Variants in IMMP2L observed in about 807,000 individuals in gnomAD.
IMMP2L encodes inner mitochondrial membrane peptidase subunit 2.
In IMMP2L, 18 loss-of-function variants were observed where a neutral mutation model predicts 19.3. The observed-to-expected ratio is 0.93, with a 90% CI of 0.64 to 1.38. The LOEUF (loss-of-function observed/expected upper bound fraction) is 1.38. Among genes scored for constraint, IMMP2L ranks in the 40% most tolerant of loss-of-function variants. The pLI is 0.00. For synonymous variants in IMMP2L, 76 were observed against 73.0 expected (o/e 1.04, Z -0.21); for missense variants, 233 against 218.2 (o/e 1.07, Z -0.43).
chr7:111,116,987 T>C (rs1799953243), intron 3 of IMMP2L, among the ~76,000 whole-genome samples: 1 of 152,182 alleles, frequency 6.6e-6, no homozygotes, highest in Non-Finnish European at 1.5e-5. Flanking sequence ...ATTTACTTCC[T>C]ACTGGTTAGT....
intron 3 of IMMP2L, among the ~76,000 whole-genome samples, chr7:111,263,616 CATCAG>C: frequency 6.6e-6 from 1 of 152,068 alleles, no homozygotes; most frequent in African/African-American, 2.4e-5. Context: ...ATTTGGGAGT[CATCAG>C]CATATCAATG....
chr7:110,907,644 C>T (rs1430917482), intron 4 of IMMP2L, among the ~76,000 whole-genome samples: 1 of 152,168 alleles, frequency 6.6e-6, no homozygotes, highest in East Asian at 1.9e-4. Flanking sequence ...AATTTACCTG[C>T]CTCCTGTCCC....
At chr7:111,451,773 G>T (rs1261589217) in intron 3 of IMMP2L, among the ~76,000 whole-genome samples, 1 of 150,572 alleles carries the variant, frequency 6.6e-6, no homozygotes, top group Non-Finnish European at 1.5e-5. Flanking sequence ...CAGAGAGAAG[G>T]CAAGGCAAAA....
chr7:111,360,361 G>T (rs1829147497), intron 3 of IMMP2L, among the ~76,000 whole-genome samples: 1 of 152,130 alleles, frequency 6.6e-6, no homozygotes, highest in African/African-American at 2.4e-5. Context: ...AACCTTGCAG[G>T]GGGTCCATAA....
intron 2 of IMMP2L, among the ~76,000 whole-genome samples, chr7:111,506,337 T>C (rs1844898465): frequency 6.6e-6 from 1 of 152,104 alleles, no homozygotes; most frequent in Non-Finnish European, 1.5e-5. Flanking sequence ...TCAACACCCT[T>C]AAAATGTTGT....
chr7:111,301,004 G>C (rs914469080), intron 3 of IMMP2L, among the ~76,000 whole-genome samples: 2 of 152,068 alleles, frequency 1.3e-5, no homozygotes, highest in South Asian at 2.1e-4. Context: ...TAGGTTCATA[G>C]GAAACTGCCA....
chr7:110,693,849 G>A (rs1005943970), intron 5 of IMMP2L, among the ~76,000 whole-genome samples: 3 of 152,128 alleles, frequency 2.0e-5, no homozygotes, highest in Non-Finnish European at 4.4e-5. Context: ...TGTTGTTGTT[G>A]TTAATAAAAG....
At chr7:110,816,867 C>G (rs1283455646) in intron 5 of IMMP2L, among the ~76,000 whole-genome samples, 1 of 152,018 alleles carries the variant, frequency 6.6e-6, no homozygotes, top group East Asian at 1.9e-4. Context: ...TGTCTCTGCA[C>G]GTGAGATGGG....
At chr7:110,973,385 C>T (rs1238725657) in intron 3 of IMMP2L, among the ~76,000 whole-genome samples, 1 of 151,936 alleles carries the variant, frequency 6.6e-6, no homozygotes, top group Non-Finnish European at 1.5e-5. Context: ...AATCCCTTTC[C>T]AAAAATCACA....
intron 3 of IMMP2L, among the ~76,000 whole-genome samples, chr7:111,087,594 C>T (rs1796464427): frequency 6.6e-6 from 1 of 151,650 alleles, no homozygotes; most frequent in Non-Finnish European, 1.5e-5. Flanking sequence ...TGTTAGTGCT[C>T]GACAGATGTT....
At chr7:111,283,928 G>A (rs911691706) in intron 3 of IMMP2L, among the ~76,000 whole-genome samples, 6 of 128,506 alleles carry the variant, frequency 4.7e-5, no homozygotes, top group Admixed American at 9.6e-5. Context: ...CCGAGATCCC[G>A]CCACTGCACT....
At position 111,085,530 on chromosome 7, in the gene IMMP2L, T is replaced by C. The variant is rs531674964; in HGVS notation, c.240-121965A>G. On this transcript the variant is annotated intron_variant, in intron 3 of 5. Coordinates refer to ENST00000405709, the MANE Select transcript of IMMP2L (RefSeq NM_032549.4). ...TTTTAATAGTAGCCATTCTGACTGA[T>C]GTGGGATGGTACCACATTGTGGTTT... 5.9e-5 allele frequency among the ~76,000 whole-genome samples: 9 copies of C among 152,362 alleles called. No homozygotes were observed. In the South Asian group the frequency reaches 1.9e-3, roughly 32 times the overall value.
At chr7:111,061,305 T>A (rs906509390) in intron 3 of IMMP2L, among the ~76,000 whole-genome samples, 2 of 152,116 alleles carry the variant, frequency 1.3e-5, no homozygotes, top group African/African-American at 4.8e-5. Context: ...GAGAAGGTGA[T>A]CAATGAAGCA....
At chr7:111,147,108 A>C (rs1174563147) in intron 3 of IMMP2L, among the ~76,000 whole-genome samples, 3 of 151,770 alleles carry the variant, frequency 2.0e-5, no homozygotes, top group Non-Finnish European at 4.4e-5. Context: ...TGTTTTAGAG[A>C]CTCAATATTC....
intron 5 of IMMP2L, among the ~76,000 whole-genome samples, chr7:110,739,650 T>G (rs1796868797): frequency 6.6e-6 from 1 of 152,094 alleles, no homozygotes; most frequent in Non-Finnish European, 1.5e-5. Flanking sequence ...ACTAGACAGG[T>G]CATCAAGACA....
At chr7:111,089,380 A>C (rs1006991506) in intron 3 of IMMP2L, among the ~76,000 whole-genome samples, 4 of 152,098 alleles carry the variant, frequency 2.6e-5, no homozygotes, top group Non-Finnish European at 5.9e-5. Context: ...AAAATTAATC[A>C]CTTAAGATAC....
At chr7:110,948,289 T>C (rs1380621403) in intron 4 of IMMP2L, among the ~76,000 whole-genome samples, 1 of 152,252 alleles carries the variant, frequency 6.6e-6, no homozygotes, top group Admixed American at 6.5e-5. Context: ...AATATGGAAA[T>C]AATTACTGCT....
intron 5 of IMMP2L, among the ~76,000 whole-genome samples, chr7:110,698,040 CT>C (rs1041004608): frequency 5.3e-5 from 8 of 152,010 alleles, no homozygotes; most frequent in African/African-American, 1.9e-4. Flanking sequence ...AAAAAATTGT[CT>C]TTTGACATTT....
chr7:111,254,949 A>C (rs1816544391), intron 3 of IMMP2L, among the ~76,000 whole-genome samples: 1 of 152,148 alleles, frequency 6.6e-6, no homozygotes, highest in African/African-American at 2.4e-5. Context: ...TAACTCTCAA[A>C]TGTAATTAAC....
Sources: allele counts gnomAD v4.1 joint callset (sites outside exome capture counted in the v4.1 genomes callset), GRCh38; gene constraint gnomAD v4.1.1; transcripts MANE v1.5; gene names NCBI Gene and HGNC (gene_info 2026-07-23, HGNC 2026-07-21).